Variants in CABIN1 observed in about 807,000 individuals in gnomAD.
The protein encoded by CABIN1 is calcineurin-binding protein cabin-1.
Under a neutral mutation model 227.7 loss-of-function variants are expected in CABIN1, and 133 were observed. The observed-to-expected ratio is 0.58, with a 90% confidence interval of 0.51 to 0.67. The LOEUF (loss-of-function observed/expected upper bound fraction) is 0.67. CABIN1 is among the 30% of genes least tolerant of loss of function. The pLI, the probability that CABIN1 is intolerant of heterozygous loss-of-function variation, is 0.00. For synonymous variants in CABIN1, 1,086 were observed against 1,155.1 expected (o/e 0.94, Z 1.21); for missense variants, 2,408 against 2,852.5 (o/e 0.84, Z 3.55).
intron 22 of CABIN1, among the ~76,000 whole-genome samples, chr22:24,086,590 G>A (rs570934005): frequency 1.3e-5 from 2 of 152,362 alleles, no homozygotes; most frequent in Admixed American, 1.3e-4. Flanking sequence ...CTGCTCTTCT[G>A]TGCTAGCAGT....
intron 26 of CABIN1, among the ~76,000 whole-genome samples, chr22:24,106,426 G>T (rs539019439): frequency 1.3e-5 from 2 of 152,302 alleles, no homozygotes; most frequent in Non-Finnish European, 2.9e-5. Context: ...AGGAATGGGG[G>T]TGGCTCTGGG....
chr22:24,088,854 C>T (rs963864097), intron 23 of CABIN1, among the ~76,000 whole-genome samples: 3 of 152,196 alleles, frequency 2.0e-5, no homozygotes, highest in African/African-American at 7.2e-5. Flanking sequence ...CACTCAGCAC[C>T]ACACTGTTGA....
chr22:24,129,032 G>C (rs2043903090), intron 28 of CABIN1, among the ~76,000 whole-genome samples: 1 of 152,206 alleles, frequency 6.6e-6, no homozygotes, highest in Non-Finnish European at 1.5e-5. Flanking sequence ...GACACAGGCA[G>C]AGCACATCCT....
In CABIN1 at chr22:24,170,399, A is replaced by G. The variant is rs144103974; in HGVS notation, c.5758-1314A>G. ...CCTGGAGGGTGCTCTGGACATAATT[A>G]GAGGCTCAGTGCCCACGGCTGAGGC... On this transcript the variant is annotated intron_variant, in intron 33 of 36. Coordinates refer to ENST00000263119, the MANE Select transcript of CABIN1 (RefSeq NM_012295.4). Among the ~76,000 whole-genome samples, 670 of 152,268 alleles carry G rather than the reference A, an allele frequency of 4.4e-3. 3 individuals are homozygous for G. The highest frequency in any genetic ancestry group is 0.012 in the South Asian group (57 of 4,822).
rs750608057 is a variant in CABIN1, at chr22:24,167,189, C to G, written c.5558C>G (p.Thr1853Arg). The G allele has an allele frequency of 6.2e-7, 1 of 1,611,536 alleles. No individual in the cohort carries two copies. The highest frequency in any genetic ancestry group is 1.3e-5 in the African/African-American group (1 of 74,956). The stretch of plus-strand genomic sequence containing the variant: ...CGCAAGAGGAAGCTCCTGGAGGACA[C>G]AGAGTCAGGCAAGACACTTCTGTTG... Reference protein sequence around the residue: ...LSRKRKLLEDTESGKTLLLDA... With the variant: ...LSRKRKLLEDRESGKTLLLDA... The change falls in exon 32 of 37, where the codon ACA (threonine) becomes AGA (arginine). Residue 1853 changes from threonine to arginine, a missense_variant. By Grantham distance (71) the Thr-to-Arg change is moderately conservative. Transcript: ENST00000263119.
intron 33 of CABIN1, among the ~76,000 whole-genome samples, chr22:24,170,817 G>A (rs547781804): frequency 4.9e-5 from 7 of 141,538 alleles, no homozygotes; most frequent in East Asian, 2.4e-4. Flanking sequence ...CCACACTCGA[G>A]GGGGTGGGGA....
intron 1 of CABIN1, among the ~76,000 whole-genome samples, chr22:24,013,120 C>T (rs1276970367): frequency 6.8e-6 from 1 of 148,040 alleles, no homozygotes; most frequent in African/African-American, 2.5e-5. Context: ...TTATGGTGAA[C>T]AATACATAAA....
intron 29 of CABIN1, among the ~76,000 whole-genome samples, chr22:24,154,364 A>G (rs1406331098): frequency 1.3e-5 from 2 of 152,146 alleles, no homozygotes; most frequent in Non-Finnish European, 2.9e-5. Flanking sequence ...GGTCCCAGCC[A>G]TAGTGGCCTT....
At chr22:24,121,134 GTCC>G (rs551373636) in intron 28 of CABIN1, among the ~76,000 whole-genome samples, 5 of 152,248 alleles carry the variant, frequency 3.3e-5, no homozygotes, top group Non-Finnish European at 5.9e-5. Context: ...ACTCAGTCAG[GTCC>G]TCCTCCTAGA....
intron 27 of CABIN1, among the ~76,000 whole-genome samples, chr22:24,116,583 G>A (rs1480755161): frequency 6.6e-6 from 1 of 152,212 alleles, no homozygotes; most frequent in Non-Finnish European, 1.5e-5. Context: ...TCTTTTCTCA[G>A]GCCAGTAGAG....
chr22:24,070,541 A>T (rs2040009368), intron 16 of CABIN1, among the ~76,000 whole-genome samples: 1 of 152,162 alleles, frequency 6.6e-6, no homozygotes, highest in Non-Finnish European at 1.5e-5. Context: ...CACTTTATAA[A>T]TGGGGAAGTT....
intron 24 of CABIN1, among the ~76,000 whole-genome samples, chr22:24,093,030 A>G (rs560401100): frequency 2.6e-5 from 4 of 152,264 alleles, no homozygotes; most frequent in South Asian, 4.1e-4. Flanking sequence ...ACTTCTTGCT[A>G]TGACAAGGCA....
At chr22:24,159,437 G>A (rs1602413915) in intron 29 of CABIN1, among the ~76,000 whole-genome samples, 1 of 152,256 alleles carries the variant, frequency 6.6e-6, no homozygotes, top group East Asian at 1.9e-4. Flanking sequence ...ACTGCTGTGT[G>A]AAGTAGATGA....
intron 28 of CABIN1, among the ~76,000 whole-genome samples, 189 bp from the exon 29 acceptor site, chr22:24,134,113 A>G (rs1302877028): frequency 2.0e-5 from 3 of 152,162 alleles, no homozygotes; most frequent in African/African-American, 7.2e-5. Flanking sequence ...CAGTTCTGAA[A>G]ATGCATCCCA....
intron 18 of CABIN1, among the ~76,000 whole-genome samples, chr22:24,075,209 G>A (rs907889685): frequency 6.6e-6 from 1 of 151,174 alleles, no homozygotes; most frequent in Admixed American, 6.6e-5. Context: ...TTAAAAAAAA[G>A]AAGAAAAAGT....
At chr22:24,099,184 C>T (rs1171322193) in intron 26 of CABIN1, among the ~76,000 whole-genome samples, 1 of 152,214 alleles carries the variant, frequency 6.6e-6, no homozygotes. Flanking sequence ...GGCCCTTGCC[C>T]AGTGCTCGGG....
chr22:24,029,360 C>T (rs2036326615), intron 1 of CABIN1, among the ~76,000 whole-genome samples: 1 of 152,088 alleles, frequency 6.6e-6, no homozygotes, highest in African/African-American at 2.4e-5. Context: ...CCAACCTGGA[C>T]AACATAGTGA....
intron 29 of CABIN1, among the ~76,000 whole-genome samples, chr22:24,142,574 T>C (rs2044834506): frequency 6.6e-6 from 1 of 152,134 alleles, no homozygotes; most frequent in African/African-American, 2.4e-5. Flanking sequence ...TCCCTCTGGC[T>C]TGTAAGAGAG....
chr22:24,011,552 GA>G (rs1228425649), intron 1 of CABIN1, 185 bp downstream of exon 1: 1 of 152,270 alleles, frequency 6.6e-6, no homozygotes, highest in Non-Finnish European at 1.5e-5. Context: ...GCTGCCTCGC[GA>G]GCCTCTTCAT....
Sources: allele counts gnomAD v4.1 joint callset (sites outside exome capture counted in the v4.1 genomes callset), GRCh38; gene constraint gnomAD v4.1.1; transcripts MANE v1.5; gene names NCBI Gene and HGNC (gene_info 2026-07-23, HGNC 2026-07-21).